ABRAXAS2: variants seen among roughly 807,000 people sequenced by gnomAD.
ABRAXAS2 encodes BRISC complex subunit Abraxas 2.
Under a neutral mutation model 49.0 loss-of-function variants are expected in ABRAXAS2, and 23 were observed. That is an observed-to-expected ratio of 0.47 (90% confidence interval 0.34 to 0.66). ABRAXAS2 has a LOEUF of 0.66. Ranked by LOEUF, ABRAXAS2 falls within the 30% of genes least tolerant of loss-of-function variation. The probability of loss-of-function intolerance (pLI) is 0.01; values close to 1 mark genes in which losing one functional copy is unlikely to be tolerated. For missense variants in ABRAXAS2, 443 were observed against 511.9 expected (o/e 0.87, Z 1.30); for synonymous variants, 168 against 180.2 (o/e 0.93, Z 0.54).
At position 124,831,097 on chromosome 10, in the gene ABRAXAS2, A is replaced by G. The variant is rs184671560; in HGVS notation, c.664-252A>G. Reference sequence around the variant, plus strand: ...AATGATTAATCAAAGGAAAGAGTAGATCTTTCCTATCTTACCCTTACTGGT... The same window carrying G: ...AATGATTAATCAAAGGAAAGAGTAGGTCTTTCCTATCTTACCCTTACTGGT... On this transcript the variant is annotated intron_variant, in intron 7 of 8. Transcript: ENST00000298492. Among the ~76,000 whole-genome samples, 574 of 152,352 alleles carry G rather than the reference A, an allele frequency of 3.8e-3. 3 individuals carry two copies. Among genetic ancestry groups the G allele is most frequent in the African/African-American group, 0.013 (536 of 41,590 alleles).
Position 124,819,451 on chromosome 10 carries a change from G to A in ABRAXAS2, c.267+1G>A, listed in dbSNP as rs1306771908. On this transcript the variant is annotated splice_donor_variant, in intron 4 of 8. Coordinates refer to ENST00000298492, the MANE Select transcript of ABRAXAS2 (RefSeq NM_032182.4). LOFTEE classifies it high-confidence loss of function. ...CAGGATTCTTAAAGATCGGAGAAAG[G>A]TATGTTCTGTTTGTTGCCCAGTATG... The A allele has an allele frequency of 6.2e-7, 1 of 1,613,648 alleles. No homozygotes were observed. The highest frequency in any genetic ancestry group is 1.1e-5 in the South Asian group (1 of 91,070).
chr10:124,807,872 G>A lies in ABRAXAS2; in HGVS notation c.163+951G>A, dbSNP rs375651353. On this transcript the variant is annotated intron_variant, in intron 2 of 8. Coordinates refer to ENST00000298492, the MANE Select transcript of ABRAXAS2 (RefSeq NM_032182.4). ...TGCCAATATCACCTCATACTATAAC[G>A]AATTCATATATTGTGCTGGTCCTTC... Among the ~76,000 whole-genome samples, 9 of 152,064 alleles carry A rather than the reference G, an allele frequency of 5.9e-5. No individual in the cohort carries two copies. The East Asian group carries it at 1.3e-3, about 23-fold the overall frequency.
At chr10:124,802,576 C>T (rs981081439) in intron 1 of ABRAXAS2, among the ~76,000 whole-genome samples, 7 of 152,150 alleles carry the variant, frequency 4.6e-5, no homozygotes, top group African/African-American at 1.7e-4. Flanking sequence ...AATGCATAGG[C>T]TGTGAGCCCA....
intron 5 of ABRAXAS2, 88 bp downstream of exon 5, chr10:124,826,873 G>A: frequency 1.6e-6 from 2 of 1,274,862 alleles, no homozygotes; most frequent in Non-Finnish European, 2.2e-6. Context: ...CAGCACTTTG[G>A]AAGGCTGAGG....
intron 1 of ABRAXAS2, 145 bp downstream of exon 1, chr10:124,802,046 G>C (rs1028176738): frequency 1.2e-5 from 9 of 734,408 alleles, no homozygotes; most frequent in African/African-American, 1.9e-5. Flanking sequence ...GGCGGCTCCC[G>C]CCCCCGGTGA....
intron 4 of ABRAXAS2, among the ~76,000 whole-genome samples, chr10:124,824,194 A>G (rs1197767173): frequency 6.6e-6 from 1 of 152,122 alleles, no homozygotes; most frequent in African/African-American, 2.4e-5. Context: ...GAGTCACCAC[A>G]CCCAGCCAGG....
chr10:124,830,649 G>A (rs927676606), intron 7 of ABRAXAS2, among the ~76,000 whole-genome samples: 1 of 152,192 alleles, frequency 6.6e-6, no homozygotes, highest in African/African-American at 2.4e-5. Context: ...CTGGTCACCA[G>A]CCTACTTTCT....
At chr10:124,807,472 G>C (rs1950753686) in intron 2 of ABRAXAS2, among the ~76,000 whole-genome samples, 1 of 150,980 alleles carries the variant, frequency 6.6e-6, no homozygotes, top group Admixed American at 6.6e-5. Flanking sequence ...GGCCCACATG[G>C]TGAAACCCCG....
At chr10:124,810,351 C>T (rs1190278437) in intron 2 of ABRAXAS2, among the ~76,000 whole-genome samples, 1 of 152,110 alleles carries the variant, frequency 6.6e-6, no homozygotes, top group Non-Finnish European at 1.5e-5. Context: ...GGTGGCGAGA[C>T]CCTGTCTCTA....
chr10:124,801,974 G>C, intron 1 of ABRAXAS2, 73 bp downstream of exon 1: 2 of 1,494,506 alleles, frequency 1.3e-6, no homozygotes, highest in East Asian at 4.7e-5. Context: ...TCGCGGCCAA[G>C]CCGGGACCTC....
chr10:124,814,672 C>A (rs1241386305), intron 2 of ABRAXAS2, among the ~76,000 whole-genome samples: 1 of 150,994 alleles, frequency 6.6e-6, no homozygotes, highest in African/African-American at 2.4e-5. Context: ...ATTTTTGAGA[C>A]AGAGTCTTGC....
chr10:124,817,180 T>C (rs1483961340), intron 3 of ABRAXAS2, among the ~76,000 whole-genome samples: 1 of 152,090 alleles, frequency 6.6e-6, no homozygotes, highest in African/African-American at 2.4e-5. Context: ...CTCTCAAACA[T>C]ATTTGAGAGA....
intron 1 of ABRAXAS2, among the ~76,000 whole-genome samples, chr10:124,802,923 C>T (rs1031483806): frequency 7.2e-5 from 11 of 152,060 alleles, no homozygotes; most frequent in Non-Finnish European, 1.5e-4. Flanking sequence ...AAATTGAATG[C>T]AATTAAATTA....
At position 124,801,850 on chromosome 10, in the gene ABRAXAS2, C is replaced by G; in HGVS notation, c.21C>G (p.Gly7=). 3 of 1,613,554 alleles carry G rather than the reference C, an allele frequency of 1.9e-6. No individual in the cohort carries two copies. Among genetic ancestry groups the G allele is most frequent in the Non-Finnish European group, 2.5e-6 (3 of 1,179,832 alleles). Residue 7 remains glycine, a synonymous_variant, in exon 1 of 9, where the codon GGC becomes GGG. Transcript: ENST00000298492. The part of the protein sequence containing the change: MAASIS[G]YTFSAVCFHS... ...CCATCATGGCGGCGTCCATTTCGGG[C>G]TACACCTTCAGTGCTGTGTGTTTCC...
At chr10:124,826,840 G>A (rs1950899340) in intron 5 of ABRAXAS2, 55 bp downstream of exon 5, 5 of 1,565,176 alleles carry the variant, frequency 3.2e-6, no homozygotes, top group South Asian at 2.3e-5. Context: ...GGGACCAGGC[G>A]TGGTGGCTTA....
chr10:124,834,901 A>C lies in ABRAXAS2; in HGVS notation c.1178A>C (p.His393Pro), dbSNP rs1415833800. The C allele has an allele frequency of 6.2e-7, 1 of 1,614,206 alleles. No homozygotes were observed. Among genetic ancestry groups the C allele is most frequent in the Non-Finnish European group, 8.5e-7 (1 of 1,180,034 alleles). The change falls in exon 9 of 9, where the codon CAT becomes CCT. Residue 393 changes from histidine (H) to proline (P), a missense_variant. His to Pro is a moderately conservative substitution (Grantham distance 77). Transcript: ENST00000298492. ...PTEPSNSEYS[H>P]SKDSRPMAHP... is the part of the protein sequence containing the mutation. ...GAGCCTTCTAATAGTGAATACTCAC[A>C]TTCAAAGGATTCTCGACCCATGGCA...
At chr10:124,818,340 G>A (rs1191496820) in intron 3 of ABRAXAS2, among the ~76,000 whole-genome samples, 1 of 150,016 alleles carries the variant, frequency 6.7e-6, no homozygotes, top group East Asian at 2.0e-4. Flanking sequence ...AGCTTGGAGA[G>A]AGCCGAGATC....
rs181213853 is a variant in ABRAXAS2, at chr10:124,831,639, T to C, written c.778+176T>C. On this transcript the variant is annotated intron_variant, in intron 8 of 8. Coordinates refer to ENST00000298492, the MANE Select transcript of ABRAXAS2 (RefSeq NM_032182.4). ...TCTGGAGGGCAAGTGCTGTTTTTCA[T>C]AGTAGCCCCCTCAATTCTCTGACAC... is the stretch of plus-strand genomic sequence containing the variant. Among the ~76,000 whole-genome samples, 17 of 152,240 alleles carry C rather than the reference T, an allele frequency of 1.1e-4. No homozygotes were observed. In the East Asian group the frequency reaches 3.1e-3, roughly 28 times the overall value.
intron 4 of ABRAXAS2, among the ~76,000 whole-genome samples, chr10:124,821,469 G>A (rs1950860926): frequency 6.6e-6 from 1 of 152,048 alleles, no homozygotes; most frequent in South Asian, 2.1e-4. Context: ...AGGAGGCTGA[G>A]GCAGGAGAAT....
Sources: gnomAD v4.1 joint callset for allele counts (sites outside exome capture counted in the v4.1 genomes callset) on GRCh38, gnomAD v4.1.1 for gene constraint, MANE v1.5 for transcripts, NCBI Gene and HGNC (gene_info 2026-07-23, HGNC 2026-07-21) for gene names.